Variants in P2RX6 observed in about 807,000 individuals in gnomAD.
P2RX6 encodes P2X purinoceptor 6.
P2RX6 carries 62 observed loss-of-function variants against 54.2 expected under a neutral mutation model. The ratio of observed to expected loss-of-function variants is 1.14; its 90% CI spans 0.93 to 1.41. The LOEUF (loss-of-function observed/expected upper bound fraction) is 1.41, where lower values mean the gene tolerates loss of function less well. Ranked by LOEUF, P2RX6 falls within the 40% of genes most tolerant of loss-of-function variation. P2RX6 has a pLI of 0.00. For synonymous variants in P2RX6, 211 were observed against 231.9 expected (o/e 0.91, Z 0.82); for missense variants, 541 against 566.3 (o/e 0.96, Z 0.45).
chr22:21,026,121 G>C lies in P2RX6; in HGVS notation c.1050+45G>C. On this transcript the variant is annotated intron_variant, in intron 10 of 11. Transcript: ENST00000413302. The surrounding 1 kb of genome is among the most constrained non-coding windows in gnomAD (Gnocchi z 4.0). ...GCACCTGCAGGCTGCAGTGAGTGCT[G>C]CTGACCAGGGTGTGTCCAATGCATG... 1 of 1,575,034 alleles carries C rather than the reference G, an allele frequency of 6.3e-7. No individual in the cohort carries two copies. The highest frequency in any genetic ancestry group is 8.6e-7 in the Non-Finnish European group (1 of 1,157,388).
At chr22:21,022,299 G>T (rs150597773) in intron 3 of P2RX6, among the ~76,000 whole-genome samples, 8 of 152,218 alleles carry the variant, frequency 5.3e-5, no homozygotes, top group African/African-American at 1.7e-4. Flanking sequence ...GCTTAAGCCC[G>T]GGAGGGCGAG....
chr22:21,026,212 GC>G lies in P2RX6; in HGVS notation c.1051-39del. On this transcript the variant is annotated intron_variant, in intron 10 of 11. Transcript: ENST00000413302. This position sits in a 1 kb window ranked among gnomAD's most constrained non-coding sequence, Gnocchi z 4.0. ...GGCTGGGGAGGTGGCAGGAGAGCAG[GC>G]TCGGGGGCTGGAACATGGGTTGGCC... 14 of 1,558,682 alleles carry G rather than the reference GC, an allele frequency of 9.0e-6. No individual in the cohort carries two copies. The highest frequency in any genetic ancestry group is 1.1e-5 in the Non-Finnish European group (13 of 1,150,090).
chr22:21,015,077 C>A, upstream of P2RX6: 2 of 687,760 alleles, frequency 2.9e-6, no homozygotes, highest in Non-Finnish European at 2.3e-6. Flanking sequence ...CTGGATCCTG[C>A]TTTAGTGGAA....
upstream of P2RX6, chr22:21,014,962 C>G: frequency 2.0e-6 from 1 of 492,660 alleles, no homozygotes; most frequent in South Asian, 3.2e-5. Flanking sequence ...GACAGAGCTG[C>G]TGCTGTTCTC....
chr22:21,016,788 T>G (rs927963105), intron 2 of P2RX6, among the ~76,000 whole-genome samples: 9 of 152,124 alleles, frequency 5.9e-5, no homozygotes, highest in African/African-American at 1.9e-4. Flanking sequence ...CGGCTGCGTT[T>G]TCCTCCTCCC....
chr22:21,013,757 T>C (rs2147991705), upstream of P2RX6: 1 of 152,396 alleles, frequency 6.6e-6, no homozygotes, highest in East Asian at 1.9e-4. Flanking sequence ...TTCTAAATTC[T>C]ATACATCCAT....
intron 3 of P2RX6, among the ~76,000 whole-genome samples, chr22:21,019,860 A>G (rs1927056818): frequency 6.6e-6 from 1 of 152,282 alleles, no homozygotes; most frequent in Non-Finnish European, 1.5e-5. Context: ...CAGCAGGAGC[A>G]TGTCCTTAAA....
chr22:21,020,579 CTTT>C (rs371860947), intron 3 of P2RX6, among the ~76,000 whole-genome samples: 3 of 132,558 alleles, frequency 2.3e-5, no homozygotes, highest in Non-Finnish European at 4.7e-5. Flanking sequence ...TGAGCAGAAT[CTTT>C]TTTTTTTTTT....
At chr22:21,021,666 G>A (rs532937956) in intron 3 of P2RX6, among the ~76,000 whole-genome samples, 74 of 151,822 alleles carry the variant, frequency 4.9e-4, no homozygotes, top group African/African-American at 1.8e-3. Context: ...TGAGTGCCCT[G>A]GGCAGCAGTG....
chr22:21,022,587 CCCA>C, intron 3 of P2RX6, 86 bp from the exon 4 acceptor site: 4 of 1,008,312 alleles, frequency 4.0e-6, no homozygotes, highest in Non-Finnish European at 1.4e-6. Context: ...GCCTGTCCTT[CCCA>C]CCTTGAACCT....
At chr22:21,012,318 A>T (rs868312476), upstream of P2RX6, among the ~76,000 whole-genome samples, 6 of 152,134 alleles carry the variant, frequency 3.9e-5, no homozygotes, top group South Asian at 2.1e-4. Flanking sequence ...GGTAGGGTGG[A>T]TGAGGAAGGG....
chr22:21,015,639 CCACCAG>C (rs1304463976), intron 1 of P2RX6, among the ~76,000 whole-genome samples: 1 of 151,966 alleles, frequency 6.6e-6, no homozygotes, highest in Non-Finnish European at 1.5e-5. Flanking sequence ...CCCAGAGAGA[CCACCAG>C]CTGTATCTCG....
rs1928528359 is a variant in P2RX6 at position 21,026,708 on chromosome 22, G to A, written c.*91G>A. 2.7e-6 allele frequency: 4 copies of A among 1,488,086 alleles called. No individual in the cohort carries two copies. Among genetic ancestry groups the A allele is most frequent in the Non-Finnish European group, 3.6e-6 (4 of 1,113,958 alleles). 92.2% of individuals were successfully genotyped at this position (1,488,086 alleles called of 1,614,324 possible). A position where few individuals can be genotyped will look rare whatever the true frequency, so the allele number is the denominator to read the frequency against. On this transcript the variant is annotated 3_prime_UTR_variant, in exon 12 of 12. Transcript: ENST00000413302. The surrounding 1 kb of genome is among the most constrained non-coding windows in gnomAD (Gnocchi z 4.0). ...TGAGGCCCCAGCATGGAGGATTGGGGGTAGAATTCCACCCTTGAACCCCAG... is the reference window on the plus strand; with the variant it reads ...TGAGGCCCCAGCATGGAGGATTGGGAGTAGAATTCCACCCTTGAACCCCAG...
At position 21,024,706 on chromosome 22, in the gene P2RX6, G is replaced by A. The variant is rs185630752; in HGVS notation, c.890+1088G>A. 6.1e-4 allele frequency among the ~76,000 whole-genome samples: 93 copies of A among 152,158 alleles called. 1 individual carries two copies. In the East Asian group the frequency reaches 0.017, roughly 27 times the overall value. On this transcript the variant is annotated intron_variant, in intron 8 of 11. Coordinates refer to ENST00000413302, the MANE Select transcript of P2RX6 (RefSeq NM_005446.5). ...CAGCCTCTGCCTCCAGAGTAGCTGG[G>A]ATGACAGGTGTGCACCACCACACCC...
intron 8 of P2RX6, among the ~76,000 whole-genome samples, chr22:21,025,394 C>G (rs1457151402): frequency 6.6e-6 from 1 of 152,080 alleles, no homozygotes. Context: ...GGCTGGCTCC[C>G]ACCCACATCC....
At position 21,026,212 on chromosome 22, in the gene P2RX6, G is replaced by A. The variant is rs1376899254; in HGVS notation, c.1051-40G>A. On this transcript the variant is annotated intron_variant, in intron 10 of 11. Transcript: ENST00000413302. The surrounding 1 kb of genome is among the most constrained non-coding windows in gnomAD (Gnocchi z 4.0). ...GGCTGGGGAGGTGGCAGGAGAGCAGGCTCGGGGGCTGGAACATGGGTTGGC... is the reference window on the plus strand; with the variant it reads ...GGCTGGGGAGGTGGCAGGAGAGCAGACTCGGGGGCTGGAACATGGGTTGGC... The A allele has an allele frequency of 1.3e-6, 2 of 1,558,682 alleles. No homozygotes were observed. Among genetic ancestry groups the A allele is most frequent in the South Asian group, 2.3e-5 (2 of 85,138 alleles).
intron 2 of P2RX6, 30 bp downstream of exon 2, chr22:21,016,122 G>T (rs370165188): frequency 1.3e-6 from 2 of 1,548,300 alleles, no homozygotes; most frequent in Non-Finnish European, 1.7e-6. Context: ...TGACGGGGGC[G>T]CAAGTCCTTT....
upstream of P2RX6, chr22:21,013,301 T>C (rs1003968): frequency 0.49 from 75,193 of 153,090 alleles, 20,692 homozygotes; most frequent in African/African-American, 0.75. Flanking sequence ...CTGCTTCCTA[T>C]GCTCCTTAGG....
Position 21,022,704 on chromosome 22 carries a change from G to T in P2RX6, c.416G>T (p.Trp139Leu), listed in dbSNP as rs1368277549. The T allele has an allele frequency of 3.2e-6, 5 of 1,575,702 alleles. No homozygotes were observed. The highest frequency in any genetic ancestry group is 4.3e-6 in the Non-Finnish European group (5 of 1,162,238). The change falls in exon 4 of 12, where the codon TGG becomes TTG. Residue 139 changes from tryptophan to leucine, a missense_variant. This residue lies in a region of P2RX6 where 526 missense variants were observed against 531.5 expected (regional missense o/e 0.99). Transcript: ENST00000413302. ...CCGTCCGTCCCACTGGCTAACTGCT[G>T]GGTCGACGAGGACTGCCCCGAAGGG... Reference protein sequence around the residue: ...EHPSVPLANCWVDEDCPEGEG... With the variant: ...EHPSVPLANCLVDEDCPEGEG...
Sources: allele counts gnomAD v4.1 joint callset (sites outside exome capture counted in the v4.1 genomes callset), GRCh38; gene constraint gnomAD v4.1.1; regional missense constraint gnomAD v4.1.1; non-coding constraint Gnocchi (gnomAD v3.1); transcripts MANE v1.5; gene names NCBI Gene and HGNC (gene_info 2026-07-23, HGNC 2026-07-21).